The following CAAP1 variants were observed in gnomAD, a reference collection of about 807,000 sequenced individuals.
The protein encoded by CAAP1 is caspase activity and apoptosis inhibitor 1.
A neutral mutation model predicts 34.0 loss-of-function variants in CAAP1; 20 were observed. The observed-to-expected ratio is 0.59, with a 90% CI of 0.41 to 0.86. The LOEUF (loss-of-function observed/expected upper bound fraction) is 0.86. Ranked by LOEUF, CAAP1 falls within the 40% of genes least tolerant of loss-of-function variation. CAAP1 has a pLI of 0.00. For synonymous variants in CAAP1, 213 were observed against 166.7 expected, an observed-to-expected ratio of 1.28 and a Z score of -2.14; for missense variants, 538 against 450.5, an observed-to-expected ratio of 1.19 and a Z score of -1.76.
chr9:26,889,487 C>A (rs1823844176), intron 1 of CAAP1, among the ~76,000 whole-genome samples: 1 of 152,068 alleles, frequency 6.6e-6, no homozygotes, highest in South Asian at 2.1e-4. Context: ...TATACAAAAT[C>A]ACTTAACTGT....
rs535396178 is a variant in CAAP1, at chr9:26,867,860, G to A, written c.666-6721C>T. Among the ~76,000 whole-genome samples, 8 of 152,092 alleles carry A rather than the reference G, an allele frequency of 5.3e-5. No homozygotes were observed. In the East Asian group the frequency reaches 1.2e-3, roughly 22 times the overall value. On this transcript the variant is annotated intron_variant, in intron 4 of 5. Coordinates refer to ENST00000333916, the MANE Select transcript of CAAP1 (RefSeq NM_024828.4). ...TCCATGAATTTAAAATAAAAAAAGAGCAAACATCATTTTGAGAAAGAATCC... is the reference window on the plus strand; with the variant it reads ...TCCATGAATTTAAAATAAAAAAAGAACAAACATCATTTTGAGAAAGAATCC...
chr9:26,881,790 C>T (rs1823598718), intron 4 of CAAP1, among the ~76,000 whole-genome samples: 1 of 152,110 alleles, frequency 6.6e-6, no homozygotes, highest in African/African-American at 2.4e-5. Context: ...ATTTGGAGGG[C>T]CCAGAAGACA....
At position 26,854,153 on chromosome 9, in the gene CAAP1, A is replaced by AATAATTAC. The variant is rs1822816444; in HGVS notation, c.739+6905_739+6912dup. Among the ~76,000 whole-genome samples, 8 of 152,302 alleles carry AATAATTAC rather than the reference A, an allele frequency of 5.3e-5. No homozygotes were observed. In the South Asian group the frequency reaches 1.7e-3, roughly 32 times the overall value. On this transcript the variant is annotated intron_variant, in intron 5 of 5. Coordinates refer to ENST00000333916, the MANE Select transcript of CAAP1 (RefSeq NM_024828.4). ...GACAGAAAACAACAATGATAACAGA[A>AATAATTAC]ATAATTACAAGGGCTGATACTTTTG...
chr9:26,854,220 A>G (rs1822817475), intron 5 of CAAP1, among the ~76,000 whole-genome samples: 1 of 152,214 alleles, frequency 6.6e-6, no homozygotes, highest in South Asian at 2.1e-4. Context: ...AGCATTTTGC[A>G]TGTATTAATT....
intron 1 of CAAP1, among the ~76,000 whole-genome samples, chr9:26,887,846 C>G (rs1823787535): frequency 6.6e-6 from 1 of 152,102 alleles, no homozygotes; most frequent in African/African-American, 2.4e-5. Context: ...CCCAAAAGCT[C>G]TATGTATGCA....
rs549892778 is a variant in CAAP1 at position 26,878,177 on chromosome 9, G to A, written c.665+6633C>T. ...TTCCAGCCCAAGAATAATTCTTCAT[G>A]CTGCACTTGATTTTTTATAAGAGCT... On this transcript the variant is annotated intron_variant, in intron 4 of 5. Transcript: ENST00000333916. Among the ~76,000 whole-genome samples the A allele has an allele frequency of 2.6e-5, 4 of 152,248 alleles. No homozygotes were observed. The South Asian group carries it at 8.3e-4, about 32-fold the overall frequency.
chr9:26,864,478 C>T lies in CAAP1; in HGVS notation c.666-3339G>A, dbSNP rs551560216. On this transcript the variant is annotated intron_variant, in intron 4 of 5. Transcript: ENST00000333916. ...CAGACAGCAAAATTTAATCCTACAC[C>T]TGCTGAAGGAAACTTATCTCTGTTT... Among the ~76,000 whole-genome samples the T allele has an allele frequency of 3.3e-5, 5 of 151,206 alleles. 1 individual carries two copies. In the East Asian group the frequency reaches 9.7e-4, roughly 29 times the overall value.
intron 5 of CAAP1, among the ~76,000 whole-genome samples, chr9:26,858,624 C>T (rs1822930908): frequency 1.3e-5 from 2 of 152,024 alleles, no homozygotes; most frequent in African/African-American, 2.4e-5. Flanking sequence ...AGATCAAGAC[C>T]ATCCTGGTTA....
At chr9:26,851,071 CAT>C (rs771560347) in intron 5 of CAAP1, among the ~76,000 whole-genome samples, 3 of 152,300 alleles carry the variant, frequency 2.0e-5, no homozygotes, top group South Asian at 2.1e-4. Context: ...ATCTTTTACA[CAT>C]GTCATGATGG....
chr9:26,842,794 T>C lies in CAAP1; in HGVS notation c.740-147A>G, dbSNP rs113534816. On this transcript the variant is annotated intron_variant, in intron 5 of 5. Coordinates refer to ENST00000333916, the MANE Select transcript of CAAP1 (RefSeq NM_024828.4). Reference sequence around the variant, plus strand: ...CCATAATCCCCATGCCACCCTCTTTTCCCCTGACTCCTCAACCTTCAAAGC... The same window carrying C: ...CCATAATCCCCATGCCACCCTCTTTCCCCCTGACTCCTCAACCTTCAAAGC... 3.8e-3 allele frequency: 2,297 copies of C among 599,194 alleles called. 45 individuals carry two copies. The African/African-American group carries it at 0.039, about 10-fold the overall frequency. The allele number at this position is 599,194 out of a possible 1,614,324, so 37.1% of individuals were successfully genotyped here.
chr9:26,887,578 A>G, intron 1 of CAAP1, 65 bp from the exon 2 acceptor site: 1 of 898,576 alleles, frequency 1.1e-6, no homozygotes, highest in Non-Finnish European at 1.6e-6. Flanking sequence ...TACGTACATG[A>G]CATCATACGT....
At chr9:26,854,506 G>A (rs978132064) in intron 5 of CAAP1, among the ~76,000 whole-genome samples, 3 of 150,040 alleles carry the variant, frequency 2.0e-5, no homozygotes, top group Non-Finnish European at 4.4e-5. Flanking sequence ...CTTCTTGTGG[G>A]TCCCTTAAAT....
intron 4 of CAAP1, among the ~76,000 whole-genome samples, chr9:26,870,722 T>A (rs1343789927): frequency 6.6e-6 from 1 of 151,516 alleles, no homozygotes; most frequent in African/African-American, 2.4e-5. Context: ...GTTCAGGTGA[T>A]CCCCCTGCCT....
At chr9:26,871,930 T>C (rs1405488336) in intron 4 of CAAP1, among the ~76,000 whole-genome samples, 3 of 151,644 alleles carry the variant, frequency 2.0e-5, no homozygotes, top group East Asian at 3.9e-4. Flanking sequence ...AATAAATAAA[T>C]AAATAAATAA....
chr9:26,887,968 T>A (rs1823793227), intron 1 of CAAP1, among the ~76,000 whole-genome samples: 1 of 152,204 alleles, frequency 6.6e-6, no homozygotes, highest in African/African-American at 2.4e-5. Context: ...TTTTTAAAAC[T>A]TTATAATCAT....
chr9:26,858,627 C>G (rs969313423), intron 5 of CAAP1, among the ~76,000 whole-genome samples: 1 of 151,970 alleles, frequency 6.6e-6, no homozygotes, highest in Non-Finnish European at 1.5e-5. Context: ...TCAAGACCAT[C>G]CTGGTTAACA....
At chr9:26,873,984 G>A (rs1823352092) in intron 4 of CAAP1, among the ~76,000 whole-genome samples, 1 of 152,018 alleles carries the variant, frequency 6.6e-6, no homozygotes, top group Admixed American at 6.5e-5. Flanking sequence ...GAGGCGGGCA[G>A]ATCACGAGGT....
chr9:26,885,821 TTAA>T (rs1428657405), intron 3 of CAAP1, among the ~76,000 whole-genome samples: 1 of 151,692 alleles, frequency 6.6e-6, no homozygotes, highest in Non-Finnish European at 1.5e-5. Flanking sequence ...TTTCCAATAA[TTAA>T]TTTTTTTACA....
At chr9:26,882,244 C>T (rs887963555) in intron 4 of CAAP1, among the ~76,000 whole-genome samples, 1 of 152,222 alleles carries the variant, frequency 6.6e-6, no homozygotes, top group Admixed American at 6.5e-5. Context: ...CAATGTTAAT[C>T]GCCAAGACAA....
Sources: gnomAD v4.1 joint callset for allele counts (sites outside exome capture counted in the v4.1 genomes callset) on GRCh38, gnomAD v4.1.1 for gene constraint, MANE v1.5 for transcripts, NCBI Gene and HGNC (gene_info 2026-07-23, HGNC 2026-07-21) for gene names.